ANKRD54: variants seen among roughly 807,000 people sequenced by gnomAD.
ANKRD54 encodes the protein ankyrin repeat domain 54.
Under a neutral mutation model 36.2 loss-of-function variants are expected in ANKRD54, and 26 were observed. The ratio of observed to expected loss-of-function variants is 0.72; its 90% confidence interval spans 0.53 to 1.00. ANKRD54 has a LOEUF of 1.00. Ranked by LOEUF, ANKRD54 falls within the 50% of genes least tolerant of loss-of-function variation. The pLI, the probability that ANKRD54 is intolerant of heterozygous loss-of-function variation, is 0.00. For synonymous variants in ANKRD54, 209 were observed against 188.4 expected, an observed-to-expected ratio of 1.11 and a Z score of -0.89; for missense variants, 384 against 424.3, an observed-to-expected ratio of 0.91 and a Z score of 0.83.
In ANKRD54 at chr22:37,831,947, C is replaced by G. The variant is rs1436991974; in HGVS notation, c.899G>C (p.Arg300Thr). The G allele has an allele frequency of 1.2e-6, 2 of 1,613,446 alleles. No homozygotes were observed. Among genetic ancestry groups the G allele is most frequent in the African/African-American group, 1.3e-5 (1 of 74,932 alleles). Residue 300 changes from arginine to threonine, a missense_variant, in exon 8 of 8, where the codon AGG becomes ACG. Arg to Thr is a moderately conservative substitution (Grantham distance 71). This residue lies in a region of ANKRD54 where 179 missense variants were observed against 224.0 expected (regional missense o/e 0.80). Coordinates refer to ENST00000215941, the MANE Select transcript of ANKRD54 (RefSeq NM_138797.4). ...GAAGGCAGGGAGCCTCTCTTGCTACCTCTTCTCCATGCTCTGCATCTGCAG... is the reference window on the plus strand; with the variant it reads ...GAAGGCAGGGAGCCTCTCTTGCTACGTCTTCTCCATGCTCTGCATCTGCAG... ...LSLQMQSMEKR is the reference protein window; with the variant it reads ...LSLQMQSMEKT
At chr22:37,843,215 A>T (rs1433721488) in intron 1 of ANKRD54, among the ~76,000 whole-genome samples, 1 of 152,126 alleles carries the variant, frequency 6.6e-6, no homozygotes, top group Non-Finnish European at 1.5e-5. Flanking sequence ...CTGAGATCAG[A>T]AGTTCGAGAC....
chr22:37,847,845 G>C, upstream of ANKRD54: 2 of 390,078 alleles, frequency 5.1e-6, no homozygotes, highest in South Asian at 4.3e-5. Context: ...CACAAAACAA[G>C]AACGCAGCAT....
At chr22:37,840,095 G>A in intron 2 of ANKRD54, 92 bp downstream of exon 2, 1 of 1,452,744 alleles carries the variant, frequency 6.9e-7, no homozygotes, top group East Asian at 2.3e-5. Context: ...GCGTGAGTTT[G>A]CAGACTGCCT....
chr22:37,840,959 G>T (rs1924161330), intron 1 of ANKRD54, among the ~76,000 whole-genome samples: 1 of 152,080 alleles, frequency 6.6e-6, no homozygotes, highest in African/African-American at 2.4e-5. Context: ...GTGTGCACGT[G>T]TAACACCAGC....
At chr22:37,833,902 C>T (rs1923212079) in intron 3 of ANKRD54, 147 bp from the exon 4 acceptor site, 1 of 694,588 alleles carries the variant, frequency 1.4e-6, no homozygotes, top group Non-Finnish European at 2.5e-6. Context: ...TTCACTCACT[C>T]ACTCACTTAC....
At chr22:37,839,639 G>A (rs539971840) in intron 2 of ANKRD54, among the ~76,000 whole-genome samples, 2 of 151,610 alleles carry the variant, frequency 1.3e-5, no homozygotes, top group South Asian at 2.1e-4. Context: ...TGCCCAGCTC[G>A]GCCTCCCAAA....
chr22:37,836,447 CA>C (rs760828902), intron 3 of ANKRD54, among the ~76,000 whole-genome samples: 747 of 22,628 alleles, frequency 0.033, no homozygotes, highest in East Asian at 0.044. Context: ...AACTCTGTCT[CA>C]AAAAAAAAAA....
upstream of ANKRD54, among the ~76,000 whole-genome samples, chr22:37,846,848 ATTTCT>A (rs1171112127): frequency 1.3e-5 from 2 of 150,950 alleles, no homozygotes; most frequent in Non-Finnish European, 2.9e-5. Flanking sequence ...ATTTCAGGTA[ATTTCT>A]TTTCTTTTTT....
intron 2 of ANKRD54, among the ~76,000 whole-genome samples, chr22:37,839,386 C>T (rs1409488706): frequency 6.6e-6 from 1 of 151,612 alleles, no homozygotes; most frequent in Non-Finnish European, 1.5e-5. Flanking sequence ...AAATTTTTTT[C>T]TTATGTTATT....
chr22:37,843,122 G>A (rs1601738357), intron 1 of ANKRD54, among the ~76,000 whole-genome samples: 1 of 152,196 alleles, frequency 6.6e-6, no homozygotes, highest in South Asian at 2.1e-4. Context: ...CCATTTTACA[G>A]ATGAGAAAAC....
At position 37,832,762 on chromosome 22, in the gene ANKRD54, G is replaced by A; in HGVS notation, c.721-18C>T. 6.2e-7 allele frequency: 1 copy of A among 1,613,530 alleles called. No homozygotes were observed. The highest frequency in any genetic ancestry group is 1.3e-5 in the African/African-American group (1 of 75,038). On this transcript the variant is annotated intron_variant, in intron 6 of 7. Transcript: ENST00000215941. Reference sequence around the variant, plus strand: ...TGGATGATCTGGAACAAGAGGGTGAGCTGAGCTGCCTGGGTTCCTAGGGAG... The same window carrying A: ...TGGATGATCTGGAACAAGAGGGTGAACTGAGCTGCCTGGGTTCCTAGGGAG...
At chr22:37,842,076 G>T (rs922389214) in intron 1 of ANKRD54, among the ~76,000 whole-genome samples, 2 of 151,354 alleles carry the variant, frequency 1.3e-5, no homozygotes, top group Non-Finnish European at 1.5e-5. Context: ...TCAATCTTAG[G>T]TTAAGTTCTA....
intron 4 of ANKRD54, 125 bp downstream of exon 4, chr22:37,833,559 G>T: frequency 9.9e-7 from 1 of 1,012,360 alleles, no homozygotes; most frequent in Non-Finnish European, 1.5e-6. Flanking sequence ...CCCTGGGAGT[G>T]CAGGCCTAGG....
At chr22:37,845,671 C>G (rs541477847), upstream of ANKRD54, among the ~76,000 whole-genome samples, 5 of 152,100 alleles carry the variant, frequency 3.3e-5, no homozygotes, top group East Asian at 1.9e-4. Context: ...GAGTTCAAGA[C>G]AAGCCTGGCC....
At chr22:37,838,914 C>T (rs889533176) in intron 2 of ANKRD54, among the ~76,000 whole-genome samples, 2 of 152,148 alleles carry the variant, frequency 1.3e-5, no homozygotes, top group African/African-American at 2.4e-5. Context: ...GTCCCCCTCC[C>T]GTGACCTCGG....
intron 3 of ANKRD54, 125 bp downstream of exon 3, chr22:37,838,375 A>G: frequency 1.1e-6 from 1 of 930,130 alleles, no homozygotes; most frequent in South Asian, 1.7e-5. Context: ...CTGCAGTGCC[A>G]AGTCTTCCTT....
chr22:37,840,940 G>A (rs1177419415), intron 1 of ANKRD54, among the ~76,000 whole-genome samples: 1 of 152,094 alleles, frequency 6.6e-6, no homozygotes, highest in African/African-American at 2.4e-5. Context: ...CATCTAGCTG[G>A]GTGTGGTGGT....
upstream of ANKRD54, chr22:37,847,767 G>A (rs772545635): frequency 6.8e-6 from 3 of 439,454 alleles, no homozygotes; most frequent in South Asian, 5.2e-5. Context: ...CCAAATCGAG[G>A]GTCGGTAAAG....
chr22:37,844,656 C>T (rs1195285621), upstream of ANKRD54, among the ~76,000 whole-genome samples: 1 of 152,182 alleles, frequency 6.6e-6, no homozygotes, highest in South Asian at 2.1e-4. Context: ...TCACTGCAAC[C>T]TCCGCCTCCT....
Sources: gnomAD v4.1 joint callset for allele counts (sites outside exome capture counted in the v4.1 genomes callset) on GRCh38, gnomAD v4.1.1 for gene constraint, gnomAD v4.1.1 regional missense constraint, MANE v1.5 for transcripts, NCBI Gene and HGNC (gene_info 2026-07-23, HGNC 2026-07-21) for gene names.